Variants in CMC2 observed in about 807,000 individuals in gnomAD.
CMC2 encodes the protein COX assembly mitochondrial protein 2 homolog.
Under a neutral mutation model 7.5 loss-of-function variants are expected in CMC2, and 5 were observed. That is an observed-to-expected ratio of 0.66 (90% confidence interval 0.35 to 1.40). CMC2 has a LOEUF of 1.40. Among genes scored for constraint, CMC2 ranks in the 40% most tolerant of loss-of-function variants. The pLI, the probability that CMC2 is intolerant of heterozygous loss-of-function variation, is 0.04. For missense variants in CMC2, 115 were observed against 92.3 expected (o/e 1.25, Z -1.01); for synonymous variants, 37 against 31.4 (o/e 1.18, Z -0.60).
In CMC2 at chr16:80,971,567, T is replaced by TGTATGAAATCATGC. The variant is rs1911922979; in HGVS notation, c.*4525_*4526insGCATGATTTCATAC. On this transcript the variant is annotated 3_prime_UTR_variant, in exon 4 of 4. Transcript: ENST00000219400. Reference sequence around the variant, plus strand: ...TGGATACTGACATACATACATTTTATATATATATATATATATATGTATGAA... The same window carrying TGTATGAAATCATGC: ...TGGATACTGACATACATACATTTTATGTATGAAATCATGCATATATATATATATATATGTATGAA... 2 of 118,302 alleles carry TGTATGAAATCATGC rather than the reference T, an allele frequency of 1.7e-5. No individual in the cohort carries two copies. Among genetic ancestry groups the TGTATGAAATCATGC allele is most frequent in the African/African-American group, 9.2e-5 (2 of 21,828 alleles). The allele number at this position is 118,302 out of a possible 1,614,324, so 7.3% of individuals were successfully genotyped here.
Position 80,966,851 on chromosome 16 carries a change from T to C in CMC2, c.*9242A>G, listed in dbSNP as rs1373685352. ...TACAGACACACGAAATCTTCATTCCTTTGTATAGATTCATGGTATACCTTT... is the reference window on the plus strand; with the variant it reads ...TACAGACACACGAAATCTTCATTCCCTTGTATAGATTCATGGTATACCTTT... On this transcript the variant is annotated 3_prime_UTR_variant, in exon 4 of 4. Transcript: ENST00000219400. 1 of 152,134 alleles carries C rather than the reference T, an allele frequency of 6.6e-6. No homozygotes were observed. The allele number at this position is 152,134 out of a possible 1,614,324, so 9.4% of individuals were successfully genotyped here.
At chr16:80,988,177 T>A (rs974531708) in intron 2 of CMC2, among the ~76,000 whole-genome samples, 2 of 152,026 alleles carry the variant, frequency 1.3e-5, no homozygotes, top group African/African-American at 2.4e-5. Context: ...GAGTGAGACA[T>A]CCTCCCGATA....
rs1457250595 is a variant in CMC2, at chr16:80,968,567, T to C, written c.*7526A>G. On this transcript the variant is annotated 3_prime_UTR_variant, in exon 4 of 4. Transcript: ENST00000219400. ...TAGGAATGAGTTAGTTCTCTAACTG[T>C]TGAAAATATAATCATTCCTAGGGGG... 2.6e-5 allele frequency: 4 copies of C among 151,648 alleles called. No individual in the cohort carries two copies. 9.4% of individuals were successfully genotyped at this position (151,648 alleles called of 1,614,324 possible). A position where few individuals can be genotyped will look rare whatever the true frequency, so the allele number is the denominator to read the frequency against.
chr16:80,991,739 G>A (rs1597249219), intron 2 of CMC2: 2 of 321,678 alleles, frequency 6.2e-6, no homozygotes, highest in Admixed American at 4.1e-5. Context: ...CAGCCTTGAT[G>A]AAAATGTACT....
intron 1 of CMC2, chr16:80,998,465 T>G (rs536211291): frequency 2.6e-5 from 4 of 152,262 alleles, no homozygotes; most frequent in African/African-American, 9.6e-5. Flanking sequence ...GAAACTGGTA[T>G]AGCAGTTCCT....
chr16:80,981,581 G>C (rs1967114410), intron 3 of CMC2, among the ~76,000 whole-genome samples: 1 of 152,146 alleles, frequency 6.6e-6, no homozygotes, highest in African/African-American at 2.4e-5. Flanking sequence ...TCATCATAAG[G>C]AAGTTGTTTT....
At chr16:80,985,610 G>A (rs531147182) in intron 2 of CMC2, among the ~76,000 whole-genome samples, 20 of 152,002 alleles carry the variant, frequency 1.3e-4, no homozygotes, top group African/African-American at 4.6e-4. Context: ...TAGCTCCCTA[G>A]AATCCTAAAT....
Position 80,976,034 on chromosome 16 carries a change from G to A in CMC2, c.*59C>T, listed in dbSNP as rs1378924403. The A allele has an allele frequency of 1.1e-6, 1 of 921,480 alleles. No homozygotes were observed. Among genetic ancestry groups the A allele is most frequent in the Non-Finnish European group, 1.8e-6 (1 of 558,392 alleles). 57.1% of individuals were successfully genotyped at this position (921,480 alleles called of 1,614,324 possible). A position where few individuals can be genotyped will look rare whatever the true frequency, so the allele number is the denominator to read the frequency against. On this transcript the variant is annotated 3_prime_UTR_variant, in exon 4 of 4. Coordinates refer to ENST00000219400, the MANE Select transcript of CMC2 (RefSeq NM_020188.5). Reference sequence around the variant, plus strand: ...GACCAAATAAGACAGGATTCTTTCAGGTATCAACCCAGAGTCTTTAGGTCT... The same window carrying A: ...GACCAAATAAGACAGGATTCTTTCAAGTATCAACCCAGAGTCTTTAGGTCT...
intron 2 of CMC2, chr16:80,988,593 T>C (rs1362949382): frequency 1.6e-6 from 1 of 632,656 alleles, no homozygotes; most frequent in East Asian, 2.8e-5. Flanking sequence ...ATGATGCACG[T>C]TTCCTAAAAA....
At position 80,966,859 on chromosome 16, in the gene CMC2, G is replaced by C. The variant is rs1911588139; in HGVS notation, c.*9234C>G. The C allele has an allele frequency of 6.6e-6, 1 of 151,618 alleles. No homozygotes were observed. The highest frequency in any genetic ancestry group is 2.1e-4 in the South Asian group (1 of 4,816). 9.4% of individuals were successfully genotyped at this position (151,618 alleles called of 1,614,324 possible). A position where few individuals can be genotyped will look rare whatever the true frequency, so the allele number is the denominator to read the frequency against. ...CACGAAATCTTCATTCCTTTGTATA[G>C]ATTCATGGTATACCTTTGTGTAAAT... is the stretch of plus-strand genomic sequence containing the variant. On this transcript the variant is annotated 3_prime_UTR_variant, in exon 4 of 4. Transcript: ENST00000219400.
intron 3 of CMC2, among the ~76,000 whole-genome samples, chr16:80,978,819 C>T (rs560159945): frequency 2.0e-5 from 3 of 152,230 alleles, no homozygotes; most frequent in South Asian, 2.1e-4. Context: ...CAGTGGCTCA[C>T]GCCTGTAACC....
At chr16:80,991,875 A>C (rs1968021287) in intron 2 of CMC2, 1 of 451,810 alleles carries the variant, frequency 2.2e-6, no homozygotes, top group Non-Finnish European at 4.4e-6. Flanking sequence ...TTTTCGGGTC[A>C]TCAAAAACAA....
intron 2 of CMC2, chr16:80,996,949 A>G: frequency 2.3e-6 from 1 of 430,674 alleles, no homozygotes; most frequent in Non-Finnish European, 4.5e-6. Context: ...GTAGCCATCA[A>G]AGAGCAGATA....
chr16:81,000,718 G>A (rs2602441), intron 1 of CMC2, among the ~76,000 whole-genome samples: 95,578 of 152,018 alleles, frequency 0.63, 31,615 homozygotes, highest in South Asian at 0.79. Context: ...GGGAGGTTGT[G>A]AGAAAAGAGA....
intron 1 of CMC2, chr16:80,997,716 G>A (rs542734455): frequency 3.6e-4 from 69 of 192,162 alleles, no homozygotes; most frequent in African/African-American, 1.6e-3. Flanking sequence ...GAAACAGCTT[G>A]CTTATATTAA....
At chr16:80,999,616 T>G (rs1030194054) in intron 1 of CMC2, among the ~76,000 whole-genome samples, 1 of 152,204 alleles carries the variant, frequency 6.6e-6, no homozygotes, top group African/African-American at 2.4e-5. Flanking sequence ...AAAAGAATCC[T>G]AAGCAAAAAG....
At chr16:80,995,823 G>T (rs532272284) in intron 2 of CMC2, among the ~76,000 whole-genome samples, 1 of 152,164 alleles carries the variant, frequency 6.6e-6, no homozygotes, top group Non-Finnish European at 1.5e-5. Context: ...AAATGTTTTA[G>T]ATCTTGACTG....
chr16:80,975,986 C>T lies in CMC2; in HGVS notation c.*107G>A, dbSNP rs1255722419. ...CCATGGTTCAATCTCTCACAGGTCA[C>T]TTTCCATTCAAAGGATTATGGAGAC... On this transcript the variant is annotated 3_prime_UTR_variant, in exon 4 of 4. Transcript: ENST00000219400. 2.9e-6 allele frequency: 2 copies of T among 695,886 alleles called. No individual in the cohort carries two copies. The highest frequency in any genetic ancestry group is 5.1e-6 in the Non-Finnish European group (2 of 391,602). 43.1% of individuals were successfully genotyped at this position (695,886 alleles called of 1,614,324 possible). A position where few individuals can be genotyped will look rare whatever the true frequency, so the allele number is the denominator to read the frequency against.
At position 80,975,841 on chromosome 16, in the gene CMC2, A is replaced by G. The variant is rs1023422263; in HGVS notation, c.*252T>C. 6.3e-6 allele frequency: 2 copies of G among 319,724 alleles called. No individual in the cohort carries two copies. Among genetic ancestry groups the G allele is most frequent in the East Asian group, 1.2e-4 (2 of 17,280 alleles). 19.8% of individuals were successfully genotyped at this position (319,724 alleles called of 1,614,324 possible). A position where few individuals can be genotyped will look rare whatever the true frequency, so the allele number is the denominator to read the frequency against. ...TTATTGAAGGAGATAAGTTACTCAG[A>G]TATTAACTGGTTGTAGGCAAAGGGA... On this transcript the variant is annotated 3_prime_UTR_variant, in exon 4 of 4. Coordinates refer to ENST00000219400, the MANE Select transcript of CMC2 (RefSeq NM_020188.5).
Sources: gnomAD v4.1 joint callset for allele counts (sites outside exome capture counted in the v4.1 genomes callset) on GRCh38, gnomAD v4.1.1 for gene constraint, MANE v1.5 for transcripts, NCBI Gene and HGNC (gene_info 2026-07-23, HGNC 2026-07-21) for gene names.